Variants in RPTOR observed in about 807,000 individuals in gnomAD.
The protein encoded by RPTOR is regulatory-associated protein of mTOR.
RPTOR carries 21 observed loss-of-function variants against 169.9 expected under a neutral mutation model. The observed-to-expected ratio is 0.12, with a 90% CI of 0.09 to 0.18. The LOEUF (loss-of-function observed/expected upper bound fraction) is 0.18. Among genes scored for constraint, RPTOR ranks in the 10% least tolerant of loss-of-function variants. RPTOR has a pLI of 1.00. For synonymous variants in RPTOR, 732 were observed against 753.2 expected (o/e 0.97, Z 0.46); for missense variants, 1,133 against 1,855.9 (o/e 0.61, Z 7.16).
chr17:80,911,019 C>T (rs375995230), intron 21 of RPTOR, among the ~76,000 whole-genome samples: 11 of 151,686 alleles, frequency 7.3e-5, no homozygotes, highest in Non-Finnish European at 1.5e-4. Context: ...TTAGGAGAGA[C>T]GAGGGGTTTC....
At chr17:80,666,056 G>T (rs9901767) in intron 3 of RPTOR, among the ~76,000 whole-genome samples, 1 of 151,926 alleles carries the variant, frequency 6.6e-6, no homozygotes, top group Non-Finnish European at 1.5e-5. Context: ...GAGGACAAAC[G>T]TTTTATTTTT....
chr17:80,631,058 C>T (rs1003328617), intron 2 of RPTOR, among the ~76,000 whole-genome samples: 9 of 152,144 alleles, frequency 5.9e-5, no homozygotes, highest in African/African-American at 1.2e-4. Flanking sequence ...GTGCCCAGGG[C>T]GTGTTCTGCT....
At chr17:80,874,353 C>G (rs535860680) in intron 13 of RPTOR, among the ~76,000 whole-genome samples, 1 of 152,112 alleles carries the variant, frequency 6.6e-6, no homozygotes, top group African/African-American at 2.4e-5. Flanking sequence ...CGTGCCACCA[C>G]GCCCAGCTAA....
intron 13 of RPTOR, among the ~76,000 whole-genome samples, chr17:80,859,148 C>T (rs1264761931): frequency 7.2e-5 from 11 of 152,210 alleles, no homozygotes; most frequent in South Asian, 4.2e-4. Flanking sequence ...GAGCCCTGTG[C>T]GGCCTAGGAG....
chr17:80,874,592 A>T (rs1422628937), intron 13 of RPTOR, among the ~76,000 whole-genome samples: 2 of 152,126 alleles, frequency 1.3e-5, no homozygotes, highest in Admixed American at 1.3e-4. Context: ...TGAGGCGGAA[A>T]GCTTGTCTTG....
rs527702404 is a variant in RPTOR, at chr17:80,960,843, C to T, written c.3606-551C>T. On this transcript the variant is annotated intron_variant, in intron 30 of 33. Coordinates refer to ENST00000306801, the MANE Select transcript of RPTOR (RefSeq NM_020761.3). The surrounding 1 kb of genome is among the most constrained non-coding windows in gnomAD (Gnocchi z 4.8). ...GGGCACTGCCTCTGCTGAGCACCCC[C>T]GTGGGCAGGTGCTGTCCGGGCCTAG... 3.1e-5 allele frequency: 5 copies of T among 163,014 alleles called. No homozygotes were observed. Among genetic ancestry groups the T allele is most frequent in the East Asian group, 1.7e-4 (1 of 5,736 alleles). 10.1% of individuals were successfully genotyped at this position (163,014 alleles called of 1,614,324 possible). A position where few individuals can be genotyped will look rare whatever the true frequency, so the allele number is the denominator to read the frequency against.
chr17:80,781,855 G>A (rs901669157), intron 6 of RPTOR, among the ~76,000 whole-genome samples: 1 of 152,236 alleles, frequency 6.6e-6, no homozygotes, highest in Non-Finnish European at 1.5e-5. Context: ...GGCTATGATT[G>A]TGCGTGGCTT....
At chr17:80,702,802 G>A (rs1292070962) in intron 3 of RPTOR, among the ~76,000 whole-genome samples, 1 of 152,204 alleles carries the variant, frequency 6.6e-6, no homozygotes, top group Non-Finnish European at 1.5e-5. Context: ...CCTTCTGTGT[G>A]GCGTGGAAGA....
chr17:80,585,214 T>G (rs1459664266), intron 1 of RPTOR, among the ~76,000 whole-genome samples: 2 of 148,664 alleles, frequency 1.3e-5, no homozygotes, highest in African/African-American at 2.5e-5. Flanking sequence ...TTTTGTTTTT[T>G]TTTTTCCTGA....
chr17:80,671,433 C>T (rs995577597), intron 3 of RPTOR, among the ~76,000 whole-genome samples: 3 of 152,196 alleles, frequency 2.0e-5, no homozygotes, highest in African/African-American at 7.2e-5. Flanking sequence ...TTTCTTTCCT[C>T]CTGCTCTTGA....
intron 11 of RPTOR, among the ~76,000 whole-genome samples, chr17:80,849,708 C>G (rs1437098522): frequency 6.6e-6 from 1 of 152,184 alleles, no homozygotes; most frequent in Non-Finnish European, 1.5e-5. Context: ...TTAGTAGTGA[C>G]AAGGTTTCAC....
At chr17:80,755,752 A>AG (rs1053291598) in intron 6 of RPTOR, among the ~76,000 whole-genome samples, 1 of 151,414 alleles carries the variant, frequency 6.6e-6, no homozygotes, top group Non-Finnish European at 1.5e-5. Context: ...AAAAAAAAAA[A>AG]AAAAAAGAAA....
chr17:80,877,673 G>A (rs1286826302), intron 13 of RPTOR, among the ~76,000 whole-genome samples: 1 of 152,214 alleles, frequency 6.6e-6, no homozygotes, highest in African/African-American at 2.4e-5. Context: ...TGCTTTTTCT[G>A]TTGCCCTGGC....
chr17:80,757,188 G>T (rs1442729551), intron 6 of RPTOR, among the ~76,000 whole-genome samples: 1 of 152,142 alleles, frequency 6.6e-6, no homozygotes, highest in Non-Finnish European at 1.5e-5. Context: ...CAAGAATATG[G>T]CAGAGCTGAA....
chr17:80,677,023 G>A (rs2076276995), intron 3 of RPTOR, among the ~76,000 whole-genome samples: 1 of 152,214 alleles, frequency 6.6e-6, no homozygotes, highest in Non-Finnish European at 1.5e-5. Context: ...TCCTGAGCAG[G>A]TACTGCCTCG....
intron 3 of RPTOR, among the ~76,000 whole-genome samples, chr17:80,648,958 T>C (rs1352720348): frequency 6.6e-6 from 1 of 152,222 alleles, no homozygotes; most frequent in African/African-American, 2.4e-5. Context: ...CTCCTTACCT[T>C]CCGCCATGAT....
intron 20 of RPTOR, among the ~76,000 whole-genome samples, chr17:80,897,373 G>A (rs1224591221): frequency 6.6e-6 from 1 of 152,134 alleles, no homozygotes; most frequent in Admixed American, 6.5e-5. Flanking sequence ...CTCTATATCA[G>A]TTTATAGAAA....
intron 1 of RPTOR, among the ~76,000 whole-genome samples, chr17:80,620,244 G>A (rs2065344850): frequency 6.6e-6 from 1 of 152,258 alleles, no homozygotes; most frequent in South Asian, 2.1e-4. Flanking sequence ...GGGATATAAC[G>A]ATGTCATCTT....
At chr17:80,565,706 T>C (rs146662163) in intron 1 of RPTOR, among the ~76,000 whole-genome samples, 1 of 150,640 alleles carries the variant, frequency 6.6e-6, no homozygotes, top group Non-Finnish European at 1.5e-5. Flanking sequence ...GGGAGCTGTC[T>C]CGCTCTGTAC....
Sources: allele counts gnomAD v4.1 joint callset (sites outside exome capture counted in the v4.1 genomes callset), GRCh38; gene constraint gnomAD v4.1.1; non-coding constraint Gnocchi (gnomAD v3.1); transcripts MANE v1.5; gene names NCBI Gene and HGNC (gene_info 2026-07-23, HGNC 2026-07-21).